The following PDE8B variants were observed in gnomAD, a reference collection of about 807,000 sequenced individuals.
PDE8B encodes the protein high affinity cAMP-specific and IBMX-insensitive 3',5'-cyclic phosphodiesterase 8B.
PDE8B carries 26 observed loss-of-function variants against 101.3 expected under a neutral mutation model. That is an observed-to-expected ratio of 0.26 (90% CI 0.19 to 0.36). The LOEUF is 0.36. Among genes scored for constraint, PDE8B ranks in the 10% least tolerant of loss-of-function variants. PDE8B has a pLI of 1.00. For synonymous variants in PDE8B, 424 were observed against 429.3 expected (o/e 0.99, Z 0.15); for missense variants, 810 against 1,163.1 (o/e 0.70, Z 4.42).
At chr5:77,140,902 A>T in the PDE8B span, 1 of 152,194 alleles carries the variant, frequency 6.6e-6, no homozygotes, top group Admixed American at 6.5e-5. Context: ...GTATATATAC[A>T]TACACATGTA....
the PDE8B span, among the ~76,000 whole-genome samples, chr5:77,108,059 C>T: frequency 6.6e-6 from 1 of 152,118 alleles, no homozygotes; most frequent in Non-Finnish European, 1.5e-5. Context: ...TGCATATATT[C>T]CTGCATTTAC....
At chr5:77,161,343 C>T in the PDE8B span, among the ~76,000 whole-genome samples, 3 of 152,036 alleles carry the variant, frequency 2.0e-5, no homozygotes, top group South Asian at 2.1e-4. Flanking sequence ...CCCATGCTGT[C>T]GTATTAGTAG....
At chr5:77,422,057 G>T in intron 20 of PDE8B, 69 bp downstream of exon 20, 1 of 1,493,680 alleles carries the variant, frequency 6.7e-7, no homozygotes, top group East Asian at 2.3e-5. Flanking sequence ...GAACTCCTGG[G>T]GGATTCTCCA....
chr5:77,204,059 T>TG, the PDE8B span, among the ~76,000 whole-genome samples: 537 of 150,190 alleles, frequency 3.6e-3, 7 homozygotes, highest in African/African-American at 0.012. Flanking sequence ...AGTTTTTTTT[T>TG]TTTTTTTTTT....
intron 10 of PDE8B, among the ~76,000 whole-genome samples, chr5:77,394,426 G>A (rs776749516): frequency 6.6e-6 from 1 of 152,092 alleles, no homozygotes; most frequent in Non-Finnish European, 1.5e-5. Flanking sequence ...CTCTTTTTGG[G>A]CACTGTGATC....
chr5:77,350,507 A>G (rs10942817), intron 8 of PDE8B, among the ~76,000 whole-genome samples: 91,102 of 151,826 alleles, frequency 0.6, 27,529 homozygotes, highest in African/African-American at 0.66. Flanking sequence ...AACAGGAACC[A>G]ATACTCTCCC....
intron 1 of PDE8B, among the ~76,000 whole-genome samples, chr5:77,299,259 T>TTTGA (rs147290200): frequency 6.8e-6 from 1 of 148,086 alleles, no homozygotes; most frequent in Non-Finnish European, 1.5e-5. Flanking sequence ...TGTTTGTTTG[T>TTTGA]TTGTTTGTTT....
the PDE8B span, among the ~76,000 whole-genome samples, chr5:77,184,020 G>A: frequency 6.6e-6 from 1 of 151,906 alleles, no homozygotes; most frequent in Non-Finnish European, 1.5e-5. Context: ...CAGGCTGGAG[G>A]GGAGTAGTGC....
intron 12 of PDE8B, among the ~76,000 whole-genome samples, chr5:77,407,105 T>C (rs1432989541): frequency 6.6e-6 from 1 of 152,120 alleles, no homozygotes; most frequent in Non-Finnish European, 1.5e-5. Flanking sequence ...TGAGGCCTTT[T>C]TGGACCTCAT....
At chr5:77,276,702 A>G (rs1318358244) in intron 1 of PDE8B, among the ~76,000 whole-genome samples, 1 of 152,218 alleles carries the variant, frequency 6.6e-6, no homozygotes, top group East Asian at 1.9e-4. Context: ...TTAGCCCTTC[A>G]GATACCAACA....
chr5:77,380,921 A>G (rs114918948), intron 10 of PDE8B, among the ~76,000 whole-genome samples: 1 of 152,344 alleles, frequency 6.6e-6, no homozygotes, highest in African/African-American at 2.4e-5. Context: ...ACAAATAGGC[A>G]GAGGAAAGAC....
chr5:77,188,923 A>C, the PDE8B span, among the ~76,000 whole-genome samples: 2 of 152,180 alleles, frequency 1.3e-5, no homozygotes, highest in African/African-American at 4.8e-5. Context: ...AAGGGAGAAG[A>C]GGCTGGGGAC....
At chr5:77,142,953 G>A in the PDE8B span, among the ~76,000 whole-genome samples, 3 of 152,094 alleles carry the variant, frequency 2.0e-5, no homozygotes, top group African/African-American at 7.2e-5. Flanking sequence ...ATGTGTGTTT[G>A]GATCATAAGA....
At chr5:77,155,695 A>G in the PDE8B span, among the ~76,000 whole-genome samples, 106,034 of 152,048 alleles carry the variant, frequency 0.7, 37,276 homozygotes, top group East Asian at 0.94. Context: ...TTTTACATGT[A>G]GAGAAACTGA....
chr5:77,312,278 A>G (rs1317243401), intron 2 of PDE8B, among the ~76,000 whole-genome samples: 1 of 151,362 alleles, frequency 6.6e-6, no homozygotes, highest in Non-Finnish European at 1.5e-5. Context: ...TAATTTTTGT[A>G]TTTTTAATAG....
chr5:77,329,123 A>G, intron 4 of PDE8B, 66 bp downstream of exon 4: 2 of 1,371,218 alleles, frequency 1.5e-6, no homozygotes, highest in Non-Finnish European at 2.1e-6. Context: ...GTCAGATGTA[A>G]TCTGGTTTTT....
intron 10 of PDE8B, among the ~76,000 whole-genome samples, chr5:77,363,685 C>T (rs1317473601): frequency 6.6e-6 from 1 of 150,490 alleles, no homozygotes; most frequent in African/African-American, 2.5e-5. Context: ...ACACTCCAGC[C>T]TGGGTGACAG....
intron 2 of PDE8B, among the ~76,000 whole-genome samples, chr5:77,314,750 CT>C (rs1398009150): frequency 6.6e-6 from 1 of 152,006 alleles, no homozygotes; most frequent in Admixed American, 6.6e-5. Flanking sequence ...GTGTGTTTAG[CT>C]TTTTAAGATA....
intron 1 of PDE8B, among the ~76,000 whole-genome samples, chr5:77,279,924 G>A (rs1487966004): frequency 6.6e-6 from 1 of 152,124 alleles, no homozygotes; most frequent in African/African-American, 2.4e-5. Context: ...AGCAATATAG[G>A]TAGTCCAGCC....
Sources: allele counts gnomAD v4.1 joint callset (sites outside exome capture counted in the v4.1 genomes callset), GRCh38; gene constraint gnomAD v4.1.1; transcripts MANE v1.5; gene names NCBI Gene and HGNC (gene_info 2026-07-23, HGNC 2026-07-21).